The following ADGRD1 variants were observed in gnomAD, a reference collection of about 807,000 sequenced individuals.
ADGRD1 encodes G-protein coupled receptor 133.
ADGRD1 carries 77 observed loss-of-function variants against 113.4 expected under a neutral mutation model. That is an observed-to-expected ratio of 0.68 (90% CI 0.57 to 0.82). The LOEUF (loss-of-function observed/expected upper bound fraction) is 0.82, where lower values mean the gene tolerates loss of function less well. Among genes scored for constraint, ADGRD1 ranks in the 40% least tolerant of loss-of-function variants. The probability of loss-of-function intolerance (pLI) is 0.00; values close to 1 mark genes in which losing one functional copy is unlikely to be tolerated. For missense variants in ADGRD1, 1,036 were observed against 1,139.1 expected, an observed-to-expected ratio of 0.91 and a Z score of 1.30; for synonymous variants, 474 against 475.0, an observed-to-expected ratio of 1.00 and a Z score of 0.03.
intron 13 of ADGRD1, chr12:131,070,897 C>T (rs1372934072): frequency 3.9e-6 from 2 of 519,028 alleles, no homozygotes; most frequent in Non-Finnish European, 7.7e-6. Flanking sequence ...TCGGGTGAGT[C>T]TGCCATCCAG....
chr12:130,982,789 C>T (rs1396994568), intron 5 of ADGRD1, among the ~76,000 whole-genome samples: 1 of 152,022 alleles, frequency 6.6e-6, no homozygotes, highest in Non-Finnish European at 1.5e-5. Flanking sequence ...CAGTAGGCTG[C>T]AGAGGCTGAC....
chr12:131,116,186 C>T (rs1267370382), intron 18 of ADGRD1, among the ~76,000 whole-genome samples: 2 of 152,232 alleles, frequency 1.3e-5, no homozygotes, highest in African/African-American at 4.8e-5. Flanking sequence ...TGTCCTTACC[C>T]ATGGCTTGGC....
rs181490162 is a variant in ADGRD1 at position 131,117,130 on chromosome 12, T to C, written c.2042-1255T>C. ...TTTGGGTTAGGTCAATTCCTACAAG[T>C]AGTGTGGCCATAGAGTGTTTTCGTT... On this transcript the variant is annotated intron_variant, in intron 18 of 24. Transcript: ENST00000261654. Among the ~76,000 whole-genome samples the C allele has an allele frequency of 1.0e-3, 158 of 152,370 alleles. 1 individual carries two copies. Among genetic ancestry groups the C allele is most frequent in the Admixed American group, 2.5e-3 (39 of 15,308 alleles).
chr12:131,084,713 G>T lies in ADGRD1; in HGVS notation c.1671+50G>T. ...CGGGACCTGGGGGACGTACCATGAGGCTGCAGGTGGGGGCGGGAGGATGCT... is the reference window on the plus strand; with the variant it reads ...CGGGACCTGGGGGACGTACCATGAGTCTGCAGGTGGGGGCGGGAGGATGCT... On this transcript the variant is annotated intron_variant, in intron 15 of 24. Transcript: ENST00000261654. The surrounding 1 kb of genome is among the most constrained non-coding windows in gnomAD (Gnocchi z 4.5). 6.3e-7 allele frequency: 1 copy of T among 1,599,442 alleles called. No individual in the cohort carries two copies.
rs529397441 is a variant in ADGRD1, at chr12:131,117,213, G to A, written c.2042-1172G>A. On this transcript the variant is annotated intron_variant, in intron 18 of 24. Transcript: ENST00000261654. ...TCCAGATGCTTTCTACCTCATTCGT[G>A]GGCCTCCCTTCTATCACCACCCCCA... 4.6e-5 allele frequency among the ~76,000 whole-genome samples: 7 copies of A among 152,234 alleles called. No homozygotes were observed. The South Asian group carries it at 8.3e-4, about 18-fold the overall frequency.
At chr12:131,090,937 T>C (rs1304448878) in intron 15 of ADGRD1, among the ~76,000 whole-genome samples, 1 of 152,218 alleles carries the variant, frequency 6.6e-6, no homozygotes, top group African/African-American at 2.4e-5. Context: ...GTAGCTTTGC[T>C]TTACATGTGA....
intron 13 of ADGRD1, among the ~76,000 whole-genome samples, chr12:131,066,293 AG>A (rs1884713415): frequency 6.6e-6 from 1 of 152,150 alleles, no homozygotes; most frequent in African/African-American, 2.4e-5. Flanking sequence ...CAAGCACCGC[AG>A]GCTTTGGTTC....
intron 21 of ADGRD1, among the ~76,000 whole-genome samples, chr12:131,134,605 C>G (rs998422357): frequency 1.3e-5 from 2 of 152,230 alleles, no homozygotes; most frequent in Non-Finnish European, 2.9e-5. Context: ...TGAGAACAAG[C>G]TGGCTGCGGC....
intron 16 of ADGRD1, among the ~76,000 whole-genome samples, chr12:131,105,225 G>C (rs1034000523): frequency 6.6e-6 from 1 of 152,260 alleles, no homozygotes; most frequent in African/African-American, 2.4e-5. Flanking sequence ...GGGCCCGACT[G>C]TGCCCAAGAG....
chr12:130,985,319 T>TTC (rs1285668366), intron 5 of ADGRD1, among the ~76,000 whole-genome samples: 3 of 152,168 alleles, frequency 2.0e-5, no homozygotes, highest in African/African-American at 7.2e-5. Flanking sequence ...TGTCTTCTCA[T>TTC]TCTCTTGACA....
At chr12:131,031,837 C>T (rs1029001462) in intron 13 of ADGRD1, among the ~76,000 whole-genome samples, 1 of 152,224 alleles carries the variant, frequency 6.6e-6, no homozygotes, top group Non-Finnish European at 1.5e-5. Flanking sequence ...CTTCTGCCAA[C>T]ACTCGGAAAC....
At chr12:131,018,473 C>T (rs1878909934) in intron 13 of ADGRD1, among the ~76,000 whole-genome samples, 1 of 152,064 alleles carries the variant, frequency 6.6e-6, no homozygotes, top group South Asian at 2.1e-4. Flanking sequence ...ACCAGTGAGA[C>T]AGGAGGGAAG....
chr12:131,123,039 G>GATT, intron 20 of ADGRD1, among the ~76,000 whole-genome samples: 1 of 51,334 alleles, frequency 1.9e-5, no homozygotes, highest in Non-Finnish European at 3.6e-5. Context: ...TACCTGGGGA[G>GATT]TTTTTTTTTT....
intron 17 of ADGRD1, among the ~76,000 whole-genome samples, chr12:131,108,413 A>G (rs570058735): frequency 1.3e-5 from 2 of 152,104 alleles, no homozygotes; most frequent in African/African-American, 4.8e-5. Context: ...CAGGTGAGTC[A>G]TGTGCCCATC....
intron 13 of ADGRD1, among the ~76,000 whole-genome samples, chr12:131,051,989 T>C (rs1050142439): frequency 2.6e-5 from 4 of 152,212 alleles, no homozygotes; most frequent in Non-Finnish European, 5.9e-5. Flanking sequence ...GTTTCTTAAT[T>C]AAATGGCTTA....
intron 7 of ADGRD1, among the ~76,000 whole-genome samples, chr12:130,991,595 C>G (rs1388358178): frequency 1.3e-5 from 2 of 152,160 alleles, no homozygotes; most frequent in Admixed American, 1.3e-4. Flanking sequence ...TGTCATCCAT[C>G]AAATGGGGAC....
At chr12:130,967,474 A>G (rs1349513240) in intron 3 of ADGRD1, 1 of 157,452 alleles carries the variant, frequency 6.4e-6, no homozygotes, top group Non-Finnish European at 1.4e-5. Context: ...GATGGCTGAC[A>G]TGGGCGGCGA....
At chr12:131,125,877 G>T (rs1242586230) in intron 20 of ADGRD1, among the ~76,000 whole-genome samples, 1 of 152,220 alleles carries the variant, frequency 6.6e-6, no homozygotes, top group Non-Finnish European at 1.5e-5. Context: ...ATAATGCAAT[G>T]TTGAATATCA....
At chr12:131,108,503 T>C (rs1950281829) in intron 17 of ADGRD1, among the ~76,000 whole-genome samples, 1 of 152,084 alleles carries the variant, frequency 6.6e-6, no homozygotes, top group Non-Finnish European at 1.5e-5. Flanking sequence ...CCTGAACCAA[T>C]CACCATCCCT....
Sources: gnomAD v4.1 joint callset for allele counts (sites outside exome capture counted in the v4.1 genomes callset) on GRCh38, gnomAD v4.1.1 for gene constraint, Gnocchi (gnomAD v3.1) non-coding constraint, MANE v1.5 for transcripts, NCBI Gene and HGNC (gene_info 2026-07-23, HGNC 2026-07-21) for gene names.